The following PCDHGA5 variants were observed in gnomAD, a reference collection of about 807,000 sequenced individuals.
PCDHGA5 encodes protocadherin gamma subfamily A, 5, also known as protocadherin gamma-A5.
Under a neutral mutation model 56.7 loss-of-function variants are expected in PCDHGA5, and 36 were observed. That is an observed-to-expected ratio of 0.64 (90% confidence interval 0.49 to 0.84). The LOEUF is 0.84. Ranked by LOEUF, PCDHGA5 falls within the 40% of genes least tolerant of loss-of-function variation. PCDHGA5 has a pLI of 0.00. For synonymous variants in PCDHGA5, 563 were observed against 520.2 expected, an observed-to-expected ratio of 1.08 and a Z score of -1.12; for missense variants, 1,305 against 1,201.5, an observed-to-expected ratio of 1.09 and a Z score of -1.27.
At position 141,365,633 on chromosome 5, in the gene PCDHGA5, G is replaced by A. The variant is rs920081153; in HGVS notation, c.1303G>A (p.Glu435Lys). 2 of 1,613,410 alleles carry A rather than the reference G, an allele frequency of 1.2e-6. No homozygotes were observed. The highest frequency in any genetic ancestry group is 1.7e-6 in the Non-Finnish European group (2 of 1,179,880). The stretch of plus-strand genomic sequence containing the variant: ...CCATGGAACCCCGCCCCTCTCTACA[G>A]AAAGCCACATCCCCTTGAAAGTAGC... The part of the protein sequence containing the change: ...MDHGTPPLST[E>K]SHIPLKVADV... The change falls in exon 1 of 4, where the codon GAA becomes AAA. Residue 435 changes from glutamate (E) to lysine (K), a missense_variant. Glu to Lys is a moderately conservative substitution (Grantham distance 56). Coordinates refer to ENST00000518069, the MANE Select transcript of PCDHGA5 (RefSeq NM_018918.3).
At chr5:141,366,898 G>A in intron 1 of PCDHGA5, 147 bp downstream of exon 1, 4 of 1,204,000 alleles carry the variant, frequency 3.3e-6, no homozygotes, top group Non-Finnish European at 3.4e-6. Flanking sequence ...TATAATTCAT[G>A]CTTTCTCCAT....
intron 1 of PCDHGA5, chr5:141,441,104 T>C (rs1158565054): frequency 6.6e-6 from 1 of 152,204 alleles, no homozygotes; most frequent in Non-Finnish European, 1.5e-5. Flanking sequence ...GAGGGACTCA[T>C]TGTCCAGTGT....
chr5:141,390,587 A>T (rs1043489470), intron 1 of PCDHGA5: 1 of 340,604 alleles, frequency 2.9e-6, no homozygotes, highest in Non-Finnish European at 5.3e-6. Flanking sequence ...AAAGTGAATG[A>T]GATTTTTCCT....
chr5:141,469,505 G>T (rs2099202987), intron 1 of PCDHGA5, among the ~76,000 whole-genome samples: 1 of 152,138 alleles, frequency 6.6e-6, no homozygotes. Flanking sequence ...AACCCGGGAG[G>T]TGGAGGTTGC....
intron 1 of PCDHGA5, among the ~76,000 whole-genome samples, chr5:141,443,656 A>G (rs139300845): frequency 1.3e-5 from 2 of 152,374 alleles, no homozygotes; most frequent in East Asian, 3.8e-4. Flanking sequence ...TTAGCATAGC[A>G]TTTTACTGAA....
intron 1 of PCDHGA5, chr5:141,414,898 G>T: frequency 6.2e-7 from 1 of 1,614,190 alleles, no homozygotes; most frequent in East Asian, 2.2e-5. Context: ...CCCCACAGAC[G>T]GTTCCACAGG....
At chr5:141,375,232 C>A in intron 1 of PCDHGA5, 1 of 1,613,986 alleles carries the variant, frequency 6.2e-7, no homozygotes, top group South Asian at 1.1e-5. Context: ...GCCTGGTAAC[C>A]TGTTCCATCC....
chr5:141,477,212 C>CCTCT lies in PCDHGA5; in HGVS notation c.2422-17594_2422-17591dup. 6.2e-7 allele frequency: 1 copy of CCTCT among 1,614,166 alleles called. No homozygotes were observed. The highest frequency in any genetic ancestry group is 8.5e-7 in the Non-Finnish European group (1 of 1,180,042). The stretch of plus-strand genomic sequence containing the variant: ...GTACAGCCCAGTACCCGAGGATGCC[C>CCTCT]CTCTGGGGACTGTCATCGCTTTGCT... On this transcript the variant is annotated intron_variant, in intron 1 of 3. Coordinates refer to ENST00000518069, the MANE Select transcript of PCDHGA5 (RefSeq NM_018918.3). This position sits in a 1 kb window ranked among gnomAD's most constrained non-coding sequence, Gnocchi z 4.9.
At chr5:141,420,052 C>T (rs535784301) in intron 1 of PCDHGA5, 1 of 1,614,070 alleles carries the variant, frequency 6.2e-7, no homozygotes, top group South Asian at 1.1e-5. Flanking sequence ...AGTCAGTTCT[C>T]TGCTCCAAGT....
Position 141,370,733 on chromosome 5 carries a change from T to C in PCDHGA5, c.2421+3982T>C, listed in dbSNP as rs764261281. On this transcript the variant is annotated intron_variant, in intron 1 of 3. Coordinates refer to ENST00000518069, the MANE Select transcript of PCDHGA5 (RefSeq NM_018918.3). Reference sequence around the variant, plus strand: ...AATTTGAAATGGTTGCTGAAAAGCCTTTAAACTTTTTTCATGTAACTGTGC... The same window carrying C: ...AATTTGAAATGGTTGCTGAAAAGCCCTTAAACTTTTTTCATGTAACTGTGC... The C allele has an allele frequency of 1.2e-4, 186 of 1,613,884 alleles. No homozygotes were observed. The Admixed American group carries it at 1.2e-3, about 10-fold the overall frequency.
chr5:141,415,747 T>TTTTG, intron 1 of PCDHGA5: 2 of 797,626 alleles, frequency 2.5e-6, no homozygotes, highest in Non-Finnish European at 3.1e-6. Flanking sequence ...AAGGTTTTTT[T>TTTTG]TTTTTTTTTT....
intron 1 of PCDHGA5, chr5:141,414,399 GGTGATAC>G (rs1297009673): frequency 6.2e-7 from 1 of 1,613,846 alleles, no homozygotes; most frequent in South Asian, 1.1e-5. Flanking sequence ...ATTACAGATT[GGTGATAC>G]ACAGAGCCCT....
chr5:141,401,836 A>G (rs1400731084), intron 1 of PCDHGA5, among the ~76,000 whole-genome samples: 3 of 152,204 alleles, frequency 2.0e-5, no homozygotes, highest in Admixed American at 1.3e-4. Flanking sequence ...GATTTCTTAT[A>G]ATACCACTTA....
chr5:141,375,028 T>C, intron 1 of PCDHGA5: 1 of 1,614,042 alleles, frequency 6.2e-7, no homozygotes, highest in Non-Finnish European at 8.5e-7. Flanking sequence ...CGAGTTTTTA[T>C]GAGCTGGGTG....
chr5:141,445,564 G>A (rs564704836), intron 1 of PCDHGA5, among the ~76,000 whole-genome samples: 20 of 152,306 alleles, frequency 1.3e-4, no homozygotes, highest in Admixed American at 1.2e-3. Context: ...CTAAGAGAAA[G>A]CTTATAGTAG....
chr5:141,501,891 T>G (rs2099811650), intron 2 of PCDHGA5, among the ~76,000 whole-genome samples: 1 of 152,128 alleles, frequency 6.6e-6, no homozygotes, highest in Admixed American at 6.5e-5. Context: ...CTGATCATCA[T>G]GGTTCCAACC....
chr5:141,415,579 A>G, intron 1 of PCDHGA5: 1 of 1,614,072 alleles, frequency 6.2e-7, no homozygotes, highest in East Asian at 2.2e-5. Flanking sequence ...AGATGATTCG[A>G]AGTTTCCTAT....
chr5:141,430,309 A>G (rs984998714), intron 1 of PCDHGA5, among the ~76,000 whole-genome samples: 2 of 152,116 alleles, frequency 1.3e-5, no homozygotes, highest in Non-Finnish European at 2.9e-5. Context: ...CACTAACATT[A>G]TAAGATTAAA....
At chr5:141,437,264 A>G (rs2097872616) in intron 1 of PCDHGA5, among the ~76,000 whole-genome samples, 2 of 152,228 alleles carry the variant, frequency 1.3e-5, no homozygotes, top group South Asian at 2.1e-4. Context: ...TTTTATGTGT[A>G]TGACAGATGT....
Sources: allele counts gnomAD v4.1 joint callset (sites outside exome capture counted in the v4.1 genomes callset), GRCh38; gene constraint gnomAD v4.1.1; non-coding constraint Gnocchi (gnomAD v3.1); transcripts MANE v1.5; gene names NCBI Gene and HGNC (gene_info 2026-07-23, HGNC 2026-07-21).